ADGRL3: variants seen among roughly 807,000 people sequenced by gnomAD.
ADGRL3 encodes the protein calcium-independent alpha-latrotoxin receptor 3.
In ADGRL3, 62 loss-of-function variants were observed where a neutral mutation model predicts 153.5. The ratio of observed to expected loss-of-function variants is 0.40; its 90% CI spans 0.33 to 0.50. ADGRL3 has a LOEUF of 0.50. Ranked by LOEUF, ADGRL3 falls within the 20% of genes least tolerant of loss-of-function variation. The pLI, the probability that ADGRL3 is intolerant of heterozygous loss-of-function variation, is 0.47. For missense variants in ADGRL3, 1,641 were observed against 1,859.4 expected (o/e 0.88, Z 2.16); for synonymous variants, 710 against 672.5 (o/e 1.06, Z -0.86).
At chr4:61,297,915 T>C (rs557679901) in intron 1 of ADGRL3, among the ~76,000 whole-genome samples, 2 of 152,238 alleles carry the variant, frequency 1.3e-5, no homozygotes, top group South Asian at 4.1e-4. Flanking sequence ...GACTTCCTGC[T>C]GTGTGTTTTA....
At chr4:61,341,054 A>G (rs2095798838) in intron 1 of ADGRL3, among the ~76,000 whole-genome samples, 1 of 151,974 alleles carries the variant, frequency 6.6e-6, no homozygotes, top group Non-Finnish European at 1.5e-5. Flanking sequence ...ATCAGTTGTG[A>G]AGTAATGACA....
At chr4:61,709,421 C>T (rs191405018) in intron 6 of ADGRL3, among the ~76,000 whole-genome samples, 3 of 151,928 alleles carry the variant, frequency 2.0e-5, no homozygotes, top group Admixed American at 2.0e-4. Context: ...TACCATTGAT[C>T]CTTCAGTCAT....
intron 9 of ADGRL3, among the ~76,000 whole-genome samples, chr4:61,835,472 G>T (rs1344364879): frequency 6.7e-6 from 1 of 149,574 alleles, no homozygotes; most frequent in Non-Finnish European, 1.5e-5. Flanking sequence ...CCTGTAACTT[G>T]TTTATCCAAT....
At chr4:62,061,113 C>T (rs77488501) in intron 25 of ADGRL3, among the ~76,000 whole-genome samples, 3,925 of 151,930 alleles carry the variant, frequency 0.026, 182 homozygotes, top group African/African-American at 0.091. Flanking sequence ...ATAATTTACT[C>T]TGACAAAGAG....
intron 9 of ADGRL3, among the ~76,000 whole-genome samples, chr4:61,837,203 T>C (rs1281143892): frequency 2.0e-5 from 3 of 152,124 alleles, no homozygotes; most frequent in African/African-American, 4.8e-5. Flanking sequence ...AGCAAAATAC[T>C]GTGCCAGGGA....
intron 9 of ADGRL3, among the ~76,000 whole-genome samples, chr4:61,847,433 T>A (rs2098129810): frequency 6.7e-6 from 1 of 149,456 alleles, no homozygotes; most frequent in South Asian, 2.1e-4. Context: ...AGTGCCATTT[T>A]AAAAAATGTC....
intron 5 of ADGRL3, among the ~76,000 whole-genome samples, chr4:61,629,406 G>T (rs2093018973): frequency 1.3e-5 from 2 of 151,586 alleles, no homozygotes; most frequent in South Asian, 2.1e-4. Context: ...GTTCTATATG[G>T]TTTTTCTCCA....
intron 1 of ADGRL3, among the ~76,000 whole-genome samples, chr4:61,215,068 A>T (rs558629657): frequency 6.6e-6 from 1 of 152,336 alleles, no homozygotes; most frequent in Non-Finnish European, 1.5e-5. Context: ...TACCTACTGA[A>T]TTTGATTTCA....
At chr4:61,646,290 A>G (rs1254022802) in intron 5 of ADGRL3, among the ~76,000 whole-genome samples, 1 of 152,102 alleles carries the variant, frequency 6.6e-6, no homozygotes, top group Non-Finnish European at 1.5e-5. Flanking sequence ...CAGCTCGTCA[A>G]AGTCATTCTC....
intron 1 of ADGRL3, among the ~76,000 whole-genome samples, chr4:61,270,506 A>T (rs111378713): frequency 2.6e-5 from 4 of 151,902 alleles, no homozygotes; most frequent in South Asian, 2.1e-4. Context: ...TTCCTGAAGC[A>T]TATCTGTCTA....
chr4:61,782,165 G>T (rs758467903), intron 8 of ADGRL3, among the ~76,000 whole-genome samples: 14 of 152,252 alleles, frequency 9.2e-5, no homozygotes, highest in Non-Finnish European at 2.1e-4. Context: ...ATGCAACATT[G>T]ATTGCATCCT....
chr4:62,064,954 T>G (rs1187703581), intron 25 of ADGRL3, among the ~76,000 whole-genome samples: 1 of 152,106 alleles, frequency 6.6e-6, no homozygotes, highest in African/African-American at 2.4e-5. Flanking sequence ...TTAAAATTTC[T>G]TAAGGGATAT....
At chr4:61,403,348 T>C (rs1278908066) in intron 2 of ADGRL3, among the ~76,000 whole-genome samples, 10 of 151,974 alleles carry the variant, frequency 6.6e-5, no homozygotes, top group Admixed American at 5.9e-4. Flanking sequence ...CGTCCTACCA[T>C]CTAACCTCCA....
intron 6 of ADGRL3, among the ~76,000 whole-genome samples, chr4:61,692,042 G>C (rs1323665114): frequency 6.6e-6 from 1 of 152,100 alleles, no homozygotes; most frequent in Non-Finnish European, 1.5e-5. Context: ...AATAGATTAT[G>C]ACTCTCCTAC....
At chr4:61,811,652 G>A (rs73823242) in intron 8 of ADGRL3, among the ~76,000 whole-genome samples, 1 of 152,038 alleles carries the variant, frequency 6.6e-6, no homozygotes, top group Non-Finnish European at 1.5e-5. Flanking sequence ...GCTTAATTCA[G>A]ATATATATAC....
chr4:62,006,003 C>CACACATAT (rs1230956055), intron 21 of ADGRL3, among the ~76,000 whole-genome samples: 18 of 48,986 alleles, frequency 3.7e-4, no homozygotes, highest in East Asian at 2.7e-3. Context: ...CACACACACA[C>CACACATAT]ATATATATAT....
intron 5 of ADGRL3, among the ~76,000 whole-genome samples, chr4:61,660,270 A>G (rs2094557529): frequency 6.6e-6 from 1 of 152,166 alleles, no homozygotes; most frequent in African/African-American, 2.4e-5. Flanking sequence ...CTTTGATGTA[A>G]GGAGGTAAAG....
chr4:61,542,034 G>T (rs906652755), intron 4 of ADGRL3, among the ~76,000 whole-genome samples: 9 of 152,090 alleles, frequency 5.9e-5, no homozygotes, highest in African/African-American at 1.7e-4. Context: ...TAGTTCAAGA[G>T]ATTTTTCTCT....
chr4:61,450,186 G>A (rs1413904976), intron 2 of ADGRL3, among the ~76,000 whole-genome samples: 1 of 152,068 alleles, frequency 6.6e-6, no homozygotes, highest in Non-Finnish European at 1.5e-5. Flanking sequence ...AGTAATTTTA[G>A]AAAATTATTT....
Sources: gnomAD v4.1 joint callset for allele counts (sites outside exome capture counted in the v4.1 genomes callset) on GRCh38, gnomAD v4.1.1 for gene constraint, MANE v1.5 for transcripts, NCBI Gene and HGNC (gene_info 2026-07-23, HGNC 2026-07-21) for gene names.